Variants in CDK6 observed in about 807,000 individuals in gnomAD.
CDK6 encodes cyclin dependent kinase 6.
In CDK6, 6 loss-of-function variants were observed where a neutral mutation model predicts 37.1. The observed-to-expected ratio is 0.16, with a 90% CI of 0.09 to 0.32. CDK6 has a LOEUF of 0.32. Ranked by LOEUF, CDK6 falls within the 10% of genes least tolerant of loss-of-function variation. CDK6 has a pLI of 1.00. For synonymous variants in CDK6, 160 were observed against 161.3 expected (o/e 0.99, Z 0.06); for missense variants, 224 against 418.9 (o/e 0.53, Z 4.06).
At chr7:92,727,299 G>A (rs1195430211) in intron 3 of CDK6, among the ~76,000 whole-genome samples, 1 of 152,150 alleles carries the variant, frequency 6.6e-6, no homozygotes, top group Admixed American at 6.6e-5. Flanking sequence ...ACTTATCATT[G>A]GCCGGACCAC....
At chr7:92,691,336 A>G (rs1320235662) in intron 4 of CDK6, among the ~76,000 whole-genome samples, 1 of 152,234 alleles carries the variant, frequency 6.6e-6, no homozygotes, top group Non-Finnish European at 1.5e-5. Context: ...GACTTCATTA[A>G]ACAGAATGGG....
At chr7:92,734,863 G>A (rs1162243898) in intron 3 of CDK6, among the ~76,000 whole-genome samples, 2 of 152,160 alleles carry the variant, frequency 1.3e-5, no homozygotes, top group East Asian at 3.9e-4. Flanking sequence ...TGACTATAAT[G>A]AACACTGACA....
At chr7:92,790,992 T>C (rs1298491339) in intron 2 of CDK6, among the ~76,000 whole-genome samples, 3 of 152,162 alleles carry the variant, frequency 2.0e-5, no homozygotes, top group Non-Finnish European at 4.4e-5. Flanking sequence ...GAGCCCAATC[T>C]GATGACATGG....
chr7:92,813,808 G>A (rs144529864), intron 2 of CDK6, among the ~76,000 whole-genome samples: 3 of 152,126 alleles, frequency 2.0e-5, no homozygotes, highest in Non-Finnish European at 4.4e-5. Flanking sequence ...AGCAGCAATA[G>A]ATACCTTGAG....
Position 92,610,213 on chromosome 7 carries a change from T to TA in CDK6, c.*4926dup, listed in dbSNP as rs769508681. 2.6e-5 allele frequency: 6 copies of TA among 232,112 alleles called. No homozygotes were observed. The highest frequency in any genetic ancestry group is 5.6e-5 in the Admixed American group (1 of 17,738). 14.4% of individuals were successfully genotyped at this position (232,112 alleles called of 1,614,324 possible). A position where few individuals can be genotyped will look rare whatever the true frequency, so the allele number is the denominator to read the frequency against. ...CTACCACATCAACTTCAAATTGCTG[T>TA]AACAGTATTTCAGCAGATGCTCGAA... On this transcript the variant is annotated 3_prime_UTR_variant, in exon 8 of 8. Transcript: ENST00000424848.
chr7:92,613,979 T>C lies in CDK6; in HGVS notation c.*1161A>G, dbSNP rs1424133332. The C allele has an allele frequency of 4.3e-6, 1 of 233,078 alleles. No homozygotes were observed. The highest frequency in any genetic ancestry group is 8.5e-6 in the Non-Finnish European group (1 of 118,008). 14.4% of individuals were successfully genotyped at this position (233,078 alleles called of 1,614,324 possible). A position where few individuals can be genotyped will look rare whatever the true frequency, so the allele number is the denominator to read the frequency against. ...AACAGCTTAAGCAATCTGTTATTAG[T>C]TATACAATGGTAGCAATATATTTCA... On this transcript the variant is annotated 3_prime_UTR_variant, in exon 8 of 8. Coordinates refer to ENST00000424848, the MANE Select transcript of CDK6 (RefSeq NM_001145306.2).
At chr7:92,792,548 G>A (rs1800310634) in intron 2 of CDK6, among the ~76,000 whole-genome samples, 1 of 152,044 alleles carries the variant, frequency 6.6e-6, no homozygotes, top group South Asian at 2.1e-4. Flanking sequence ...CCTGACAGAA[G>A]ATTGTACCAA....
At chr7:92,749,685 T>C (rs1214573366) in intron 3 of CDK6, among the ~76,000 whole-genome samples, 2 of 152,244 alleles carry the variant, frequency 1.3e-5, no homozygotes, top group African/African-American at 4.8e-5. Flanking sequence ...GGGTGTGTCC[T>C]GTAAGTTTTT....
At chr7:92,771,267 T>C (rs1295092512) in intron 3 of CDK6, among the ~76,000 whole-genome samples, 1 of 143,162 alleles carries the variant, frequency 7.0e-6, no homozygotes, top group Non-Finnish European at 1.5e-5. Context: ...AAATAAAGTA[T>C]CTTAGATATG....
At chr7:92,773,228 G>A (rs1799761974) in intron 3 of CDK6, among the ~76,000 whole-genome samples, 1 of 152,128 alleles carries the variant, frequency 6.6e-6, no homozygotes, top group Non-Finnish European at 1.5e-5. Context: ...AGATAAAGAG[G>A]TAGAGATATG....
intron 4 of CDK6, among the ~76,000 whole-genome samples, chr7:92,696,128 T>C (rs1362159966): frequency 6.6e-6 from 1 of 152,198 alleles, no homozygotes; most frequent in African/African-American, 2.4e-5. Context: ...TTGTGAAACA[T>C]GAGCATATTT....
intron 4 of CDK6, among the ~76,000 whole-genome samples, chr7:92,713,771 CTT>C (rs1798157812): frequency 6.6e-6 from 1 of 150,750 alleles, no homozygotes; most frequent in Non-Finnish European, 1.5e-5. Flanking sequence ...AATGCAGTAA[CTT>C]TGGTTTTCCA....
intron 4 of CDK6, chr7:92,710,844 C>G: frequency 1.0e-6 from 1 of 985,428 alleles, no homozygotes; most frequent in Non-Finnish European, 1.2e-6. Context: ...TTGGACACCT[C>G]TGCACGGAGA....
Position 92,607,803 on chromosome 7 carries a change from C to A in CDK6, c.*7337G>T. On this transcript the variant is annotated 3_prime_UTR_variant, in exon 8 of 8. Transcript: ENST00000424848. Reference sequence around the variant, plus strand: ...CATGTACTAACTAATATATTTACTACAGGTAATAGGAAAACAAATGAATAA... The same window carrying A: ...CATGTACTAACTAATATATTTACTAAAGGTAATAGGAAAACAAATGAATAA... 4.4e-6 allele frequency: 1 copy of A among 227,072 alleles called. No homozygotes were observed. The highest frequency in any genetic ancestry group is 8.8e-6 in the Non-Finnish European group (1 of 114,050). The allele number at this position is 227,072 out of a possible 1,614,324, so 14.1% of individuals were successfully genotyped here. A position where few individuals can be genotyped will look rare whatever the true frequency, so the allele number is the denominator to read the frequency against.
intron 2 of CDK6, among the ~76,000 whole-genome samples, chr7:92,805,087 T>A (rs892500423): frequency 2.6e-5 from 4 of 152,214 alleles, no homozygotes; most frequent in African/African-American, 9.6e-5. Flanking sequence ...CTCTCTTGAT[T>A]CAAAGAGCTT....
intron 3 of CDK6, among the ~76,000 whole-genome samples, chr7:92,762,767 T>C (rs1799488381): frequency 6.6e-6 from 1 of 152,002 alleles, no homozygotes; most frequent in Admixed American, 6.6e-5. Flanking sequence ...GAGACGAGGT[T>C]TCACCATACT....
rs1801651100 is a variant in CDK6 at position 92,835,776 on chromosome 7, G to A, written c.-368+702C>T. Among the ~76,000 whole-genome samples, 1 of 152,242 alleles carries A rather than the reference G, an allele frequency of 6.6e-6. No homozygotes were observed. The highest frequency in any genetic ancestry group is 6.5e-5 in the Admixed American group (1 of 15,290). ...ACGCAGATGCGCCCATATGCACACG[G>A]ACGGGCGCGCTGCGGGGACCAGGGC... On this transcript the variant is annotated intron_variant, in intron 1 of 7. Transcript: ENST00000424848. This position sits in a 1 kb window ranked among gnomAD's most constrained non-coding sequence, Gnocchi z 4.2.
rs567197590 is a variant in CDK6, at chr7:92,693,029, G to C, written c.538-21494C>G. Among the ~76,000 whole-genome samples, 21 of 152,112 alleles carry C rather than the reference G, an allele frequency of 1.4e-4. No individual in the cohort carries two copies. The South Asian group carries it at 4.4e-3, about 32-fold the overall frequency. On this transcript the variant is annotated intron_variant, in intron 4 of 7. Coordinates refer to ENST00000424848, the MANE Select transcript of CDK6 (RefSeq NM_001145306.2). ...CTTTGCTCTTCACGGGGTACTTCTTGTACCCTTCTCAGTTGGTATTTTTAC... is the reference window on the plus strand; with the variant it reads ...CTTTGCTCTTCACGGGGTACTTCTTCTACCCTTCTCAGTTGGTATTTTTAC...
At chr7:92,651,242 C>T (rs1796567315) in intron 5 of CDK6, among the ~76,000 whole-genome samples, 1 of 152,102 alleles carries the variant, frequency 6.6e-6, no homozygotes, top group East Asian at 1.9e-4. Context: ...TCAGATAATC[C>T]AGAATAATCT....
Sources: allele counts gnomAD v4.1 joint callset (sites outside exome capture counted in the v4.1 genomes callset), GRCh38; gene constraint gnomAD v4.1.1; non-coding constraint Gnocchi (gnomAD v3.1); transcripts MANE v1.5; gene names NCBI Gene and HGNC (gene_info 2026-07-23, HGNC 2026-07-21).